The following L3MBTL4 variants were observed in gnomAD, a reference collection of about 807,000 sequenced individuals.
L3MBTL4 encodes lethal(3)malignant brain tumor-like protein 4.
Under a neutral mutation model 84.5 loss-of-function variants are expected in L3MBTL4, and 70 were observed. The ratio of observed to expected loss-of-function variants is 0.83; its 90% CI spans 0.68 to 1.01. The LOEUF is 1.01. Among genes scored for constraint, L3MBTL4 ranks in the 50% least tolerant of loss-of-function variants. The pLI, the probability that L3MBTL4 is intolerant of heterozygous loss-of-function variation, is 0.00. For synonymous variants in L3MBTL4, 274 were observed against 259.8 expected (o/e 1.05, Z -0.52); for missense variants, 715 against 754.8 (o/e 0.95, Z 0.62).
chr18:6,396,008 A>T (rs1309202534), intron 1 of L3MBTL4: 2 of 152,178 alleles, frequency 1.3e-5, no homozygotes, highest in Non-Finnish European at 2.9e-5. Flanking sequence ...AATCCATATG[A>T]ATTAAGAAAT....
intron 4 of L3MBTL4, among the ~76,000 whole-genome samples, chr18:6,285,761 G>T (rs1407703264): frequency 6.6e-6 from 1 of 151,580 alleles, no homozygotes; most frequent in Non-Finnish European, 1.5e-5. Flanking sequence ...ATCAGAGCTT[G>T]CCAGCTCCCC....
At chr18:6,263,786 C>G (rs1217151305) in intron 5 of L3MBTL4, among the ~76,000 whole-genome samples, 161 bp downstream of exon 5, 1 of 152,192 alleles carries the variant, frequency 6.6e-6, no homozygotes, top group African/African-American at 2.4e-5. Context: ...CCAGCCCACT[C>G]TGAAACACTA....
In L3MBTL4 at chr18:6,357,548, G is replaced by T. The variant is rs568459708; in HGVS notation, c.-90-45492C>A. ...AAAGAGATTCCTCTTGTTCTTAACAGGAATGCACAAGTCCTCCAAATGCTG... is the reference window on the plus strand; with the variant it reads ...AAAGAGATTCCTCTTGTTCTTAACATGAATGCACAAGTCCTCCAAATGCTG... On this transcript the variant is annotated intron_variant, in intron 1 of 18. Transcript: ENST00000317931. Among the ~76,000 whole-genome samples the T allele has an allele frequency of 1.2e-4, 19 of 152,216 alleles. No individual in the cohort carries two copies. In the South Asian group the frequency reaches 2.1e-3, roughly 17 times the overall value.
chr18:6,250,240 T>C (rs2047864448), intron 5 of L3MBTL4, among the ~76,000 whole-genome samples: 1 of 152,180 alleles, frequency 6.6e-6, no homozygotes, highest in African/African-American at 2.4e-5. Flanking sequence ...AATTATATAC[T>C]ATTATTTAAA....
At chr18:6,004,995 TAA>T (rs1179136753) in intron 16 of L3MBTL4, among the ~76,000 whole-genome samples, 14 of 120,906 alleles carry the variant, frequency 1.2e-4, no homozygotes, top group African/African-American at 4.1e-4. Context: ...GTTAAGATGA[TAA>T]TTTTTTTTTT....
At chr18:6,068,420 C>G (rs1303621052) in intron 16 of L3MBTL4, among the ~76,000 whole-genome samples, 1 of 152,110 alleles carries the variant, frequency 6.6e-6, no homozygotes, top group Non-Finnish European at 1.5e-5. Context: ...GAGGTTTTAT[C>G]AGAGTGAAGG....
In L3MBTL4 at chr18:6,167,573, A is replaced by C. The variant is rs144700297; in HGVS notation, c.1096+4255T>G. ...AACATATAAACAGAACCAAAGACAA[A>C]AACCACATGATTATCTCAATAGAGA... On this transcript the variant is annotated intron_variant, in intron 13 of 18. Coordinates refer to ENST00000317931, the MANE Select transcript of L3MBTL4 (RefSeq NM_001330559.2). 1.3e-3 allele frequency among the ~76,000 whole-genome samples: 205 copies of C among 152,322 alleles called. 1 individual carries two copies. Among genetic ancestry groups the C allele is most frequent in the African/African-American group, 4.5e-3 (186 of 41,574 alleles).
chr18:5,990,804 T>TGTGTGTGA (rs1491026103), intron 16 of L3MBTL4, among the ~76,000 whole-genome samples: 12 of 149,604 alleles, frequency 8.0e-5, no homozygotes, highest in African/African-American at 2.7e-4. Flanking sequence ...TGTGTGTGTG[T>TGTGTGTGA]GATGGGCTAC....
chr18:5,966,736 C>A (rs2052371209), intron 17 of L3MBTL4, among the ~76,000 whole-genome samples: 1 of 152,042 alleles, frequency 6.6e-6, no homozygotes. Flanking sequence ...GACTTTGCCC[C>A]AAATTTCACT....
intron 5 of L3MBTL4, 36 bp downstream of exon 5, chr18:6,263,911 C>T (rs751966306): frequency 1.4e-6 from 2 of 1,421,322 alleles, no homozygotes; most frequent in Non-Finnish European, 2.0e-6. Flanking sequence ...TTAAGTGTTG[C>T]TTCCTTGCAA....
At chr18:6,002,849 A>T (rs887148817) in intron 16 of L3MBTL4, among the ~76,000 whole-genome samples, 5 of 151,800 alleles carry the variant, frequency 3.3e-5, no homozygotes, top group African/African-American at 1.2e-4. Flanking sequence ...CTTCTTAGCA[A>T]TTACTTTAAA....
intron 1 of L3MBTL4, among the ~76,000 whole-genome samples, chr18:6,373,299 C>G (rs1161737749): frequency 6.6e-6 from 1 of 152,134 alleles, no homozygotes; most frequent in Admixed American, 6.5e-5. Flanking sequence ...TTTTATCAAA[C>G]CTTCCCAAAG....
chr18:6,098,834 T>A (rs1157331139), intron 14 of L3MBTL4, among the ~76,000 whole-genome samples: 2 of 152,184 alleles, frequency 1.3e-5, no homozygotes, highest in African/African-American at 4.8e-5. Context: ...AGAGGTCAGA[T>A]TCTAACAGGT....
chr18:5,959,736 A>G (rs2095252880), intron 18 of L3MBTL4, among the ~76,000 whole-genome samples: 1 of 152,122 alleles, frequency 6.6e-6, no homozygotes, highest in Non-Finnish European at 1.5e-5. Flanking sequence ...TGACACTGAT[A>G]GGTATTAATT....
intron 14 of L3MBTL4, among the ~76,000 whole-genome samples, chr18:6,128,693 G>C (rs902609813): frequency 1.3e-5 from 2 of 152,078 alleles, no homozygotes; most frequent in African/African-American, 4.8e-5. Flanking sequence ...TAACTCCCTC[G>C]CACAAACTCT....
chr18:6,405,499 T>C (rs1404589521), intron 1 of L3MBTL4, among the ~76,000 whole-genome samples: 2 of 152,214 alleles, frequency 1.3e-5, no homozygotes, highest in Non-Finnish European at 2.9e-5. Context: ...TCACTAACTT[T>C]TGGAAAGCAC....
intron 13 of L3MBTL4, among the ~76,000 whole-genome samples, chr18:6,163,604 G>A (rs1824195571): frequency 6.6e-6 from 1 of 152,072 alleles, no homozygotes; most frequent in African/African-American, 2.4e-5. Context: ...TCTAGGGACT[G>A]TAATTACCTG....
rs559181282 is a variant in L3MBTL4, at chr18:6,134,719, G to A, written c.1199+3475C>T. Among the ~76,000 whole-genome samples, 25 of 152,272 alleles carry A rather than the reference G, an allele frequency of 1.6e-4. No individual in the cohort carries two copies. In the Middle Eastern group the frequency reaches 0.01, roughly 62 times the overall value. On this transcript the variant is annotated intron_variant, in intron 14 of 18. Transcript: ENST00000317931. ...GCAACAGGTGGGTTCCTATGGTCTTGGGCAGCTCCACCCCTGTGGCTTTGC... is the reference window on the plus strand; with the variant it reads ...GCAACAGGTGGGTTCCTATGGTCTTAGGCAGCTCCACCCCTGTGGCTTTGC...
intron 16 of L3MBTL4, among the ~76,000 whole-genome samples, chr18:6,043,502 T>C: frequency 6.6e-6 from 1 of 152,186 alleles, no homozygotes; most frequent in Non-Finnish European, 1.5e-5. Flanking sequence ...CAGATATCAC[T>C]TCCTCCAGCA....
Sources: allele counts gnomAD v4.1 joint callset (sites outside exome capture counted in the v4.1 genomes callset), GRCh38; gene constraint gnomAD v4.1.1; transcripts MANE v1.5; gene names NCBI Gene and HGNC (gene_info 2026-07-23, HGNC 2026-07-21).